SNX1: variants seen among roughly 807,000 people sequenced by gnomAD.
The protein encoded by SNX1 is sorting nexin 1.
In SNX1, 36 loss-of-function variants were observed where a neutral mutation model predicts 71.8. That is an observed-to-expected ratio of 0.50 (90% confidence interval 0.38 to 0.66). SNX1 has a LOEUF of 0.66. SNX1 is among the 30% of genes least tolerant of loss of function. The pLI is 0.00. For missense variants in SNX1, 612 were observed against 646.7 expected (o/e 0.95, Z 0.58); for synonymous variants, 254 against 240.7 (o/e 1.06, Z -0.51).
At chr15:64,117,320 T>C (rs2081140016) in intron 2 of SNX1, among the ~76,000 whole-genome samples, 1 of 152,122 alleles carries the variant, frequency 6.6e-6, no homozygotes, top group Non-Finnish European at 1.5e-5. Context: ...AGTGGCGCGA[T>C]CTCGGCTCAC....
intron 2 of SNX1, among the ~76,000 whole-genome samples, chr15:64,116,807 A>G (rs1018335395): frequency 2.6e-5 from 4 of 152,216 alleles, no homozygotes; most frequent in Non-Finnish European, 5.9e-5. Flanking sequence ...AAAAATTTTA[A>G]TGCCTAGAAA....
chr15:64,142,384 T>G lies in SNX1; in HGVS notation c.*4766T>G. 3.9e-6 allele frequency: 1 copy of G among 256,754 alleles called. No individual in the cohort carries two copies. 15.9% of individuals were successfully genotyped at this position (256,754 alleles called of 1,614,324 possible). ...GGCCAGTTGCTTTAAGTAGGGGAGA[T>G]AGAGTTAAAGGAGGCTTTGTTTTAT... On this transcript the variant is annotated 3_prime_UTR_variant, in exon 15 of 15. Coordinates refer to ENST00000559844, the MANE Select transcript of SNX1 (RefSeq NM_003099.5).
Position 64,137,871 on chromosome 15 carries a change from G to T in SNX1, c.*253G>T. The T allele has an allele frequency of 7.1e-7, 1 of 1,405,012 alleles. No individual in the cohort carries two copies. The highest frequency in any genetic ancestry group is 9.2e-7 in the Non-Finnish European group (1 of 1,083,398). 87.0% of individuals were successfully genotyped at this position (1,405,012 alleles called of 1,614,324 possible). On this transcript the variant is annotated 3_prime_UTR_variant, in exon 15 of 15. Transcript: ENST00000559844. ...CAATAGGTGGTGGAATTATGGGATG[G>T]GGTGGAGTATTGATATAAATATATA...
intron 5 of SNX1, among the ~76,000 whole-genome samples, chr15:64,124,456 G>A (rs1415074612): frequency 3.4e-5 from 5 of 147,378 alleles, no homozygotes; most frequent in Non-Finnish European, 7.4e-5. Flanking sequence ...GCAGTGAGCC[G>A]AGATCGCGCC....
In SNX1 at chr15:64,119,583, G is replaced by T. The variant is rs552770891; in HGVS notation, c.466+729G>T. 3.9e-5 allele frequency among the ~76,000 whole-genome samples: 6 copies of T among 152,186 alleles called. No homozygotes were observed. In the South Asian group the frequency reaches 1.2e-3, roughly 32 times the overall value. ...TACTAAAAATGCAAAAATTGACCAG[G>T]CATGGTGGTGTGCGCCTATAATCGC... On this transcript the variant is annotated intron_variant, in intron 4 of 14. Transcript: ENST00000559844.
At chr15:64,097,122 G>A (rs868057489) in intron 1 of SNX1, among the ~76,000 whole-genome samples, 1 of 40,296 alleles carries the variant, frequency 2.5e-5, no homozygotes, top group African/African-American at 1.1e-4. Flanking sequence ...CTGGATGAAG[G>A]ATTTGGTCTG....
chr15:64,103,441 T>G (rs1023832925), intron 1 of SNX1, among the ~76,000 whole-genome samples: 1 of 152,210 alleles, frequency 6.6e-6, no homozygotes, highest in Non-Finnish European at 1.5e-5. Flanking sequence ...TTCTTTTACA[T>G]CTACGTTCAT....
At chr15:64,126,378 A>G (rs192850857) in intron 6 of SNX1, among the ~76,000 whole-genome samples, 158 bp downstream of exon 6, 1 of 152,264 alleles carries the variant, frequency 6.6e-6, no homozygotes, top group Admixed American at 6.5e-5. Context: ...CTAGAGAAAA[A>G]TAGCATATTT....
At chr15:64,123,619 T>G in intron 5 of SNX1, 73 bp downstream of exon 5, 1 of 1,201,828 alleles carries the variant, frequency 8.3e-7, no homozygotes, top group Middle Eastern at 1.9e-4. Flanking sequence ...TCATTCAGAT[T>G]ATTTCTGGGT....
intron 5 of SNX1, among the ~76,000 whole-genome samples, chr15:64,124,277 C>T (rs986433935): frequency 1.0e-4 from 15 of 149,986 alleles, no homozygotes; most frequent in African/African-American, 2.0e-4. Context: ...GAGGCTGAGA[C>T]GGGCAGATCA....
chr15:64,106,510 A>G (rs1373666843), intron 1 of SNX1, among the ~76,000 whole-genome samples: 2 of 152,170 alleles, frequency 1.3e-5, no homozygotes, highest in Non-Finnish European at 2.9e-5. Context: ...CCTTTTCCCA[A>G]AGAAGTCCAC....
Position 64,130,243 on chromosome 15 carries a change from C to G in SNX1, c.937C>G (p.Leu313Val), listed in dbSNP as rs201043143. 9.3e-6 allele frequency: 15 copies of G among 1,614,096 alleles called. No individual in the cohort carries two copies. In the Admixed American group the frequency reaches 2.5e-4, roughly 27 times the overall value. Residue 313 changes from leucine to valine, a missense_variant, in exon 10 of 15, where the codon CTC (leucine) becomes GTC (valine). Leu to Val is a conservative substitution (Grantham distance 32). Coordinates refer to ENST00000559844, the MANE Select transcript of SNX1 (RefSeq NM_003099.5). Reference sequence around the variant, plus strand: ...TGTGTTTCAGTGGTTTGAGGAGAAGCTCCAGGAGGTAGAGTGTGAGGAGCA... The same window carrying G: ...TGTGTTTCAGTGGTTTGAGGAGAAGGTCCAGGAGGTAGAGTGTGAGGAGCA... ...NESDIWFEEK[L>V]QEVECEEQRL... is the part of the protein sequence containing the mutation.
Position 64,139,116 on chromosome 15 carries a change from A to G in SNX1, c.*1498A>G, listed in dbSNP as rs929006707. 6.6e-6 allele frequency: 1 copy of G among 152,242 alleles called. No homozygotes were observed. Among genetic ancestry groups the G allele is most frequent in the African/African-American group, 2.4e-5 (1 of 41,468 alleles). 9.4% of individuals were successfully genotyped at this position (152,242 alleles called of 1,614,324 possible). A position where few individuals can be genotyped will look rare whatever the true frequency, so the allele number is the denominator to read the frequency against. The stretch of plus-strand genomic sequence containing the variant: ...TATCCTTACCATCAACTTTGGTTTT[A>G]TCCTTCCAGTCTTTATTATATGCTT... On this transcript the variant is annotated 3_prime_UTR_variant, in exon 15 of 15. Coordinates refer to ENST00000559844, the MANE Select transcript of SNX1 (RefSeq NM_003099.5).
intron 1 of SNX1, among the ~76,000 whole-genome samples, chr15:64,100,633 C>CA (rs1052285921): frequency 6.3e-5 from 9 of 143,724 alleles, no homozygotes; most frequent in African/African-American, 2.3e-4. Flanking sequence ...AAAAGAGACT[C>CA]AAAAAAATTA....
chr15:64,124,990 C>T (rs533078383), intron 5 of SNX1, among the ~76,000 whole-genome samples: 1 of 152,310 alleles, frequency 6.6e-6, no homozygotes, highest in Non-Finnish European at 1.5e-5. Context: ...TATTGTCTCT[C>T]TACTACTTGT....
Position 64,140,983 on chromosome 15 carries a change from T to TGATAGGTAGATAGATAGATA in SNX1, c.*3370_*3371insGTAGATAGATAGATAGATAG, listed in dbSNP as rs2081406911. The TGATAGGTAGATAGATAGATA allele has an allele frequency of 6.7e-6, 1 of 148,780 alleles. No homozygotes were observed. The highest frequency in any genetic ancestry group is 2.2e-4 in the South Asian group (1 of 4,606). 9.2% of individuals were successfully genotyped at this position (148,780 alleles called of 1,614,324 possible). On this transcript the variant is annotated 3_prime_UTR_variant, in exon 15 of 15. Coordinates refer to ENST00000559844, the MANE Select transcript of SNX1 (RefSeq NM_003099.5). ...GCTCTCACCATACAGTGCAAAGAGA[T>TGATAGGTAGATAGATAGATA]GATAGATAGATAGATAGATAGATAG...
chr15:64,132,225 C>T (rs2081314582), intron 11 of SNX1: 4 of 320,176 alleles, frequency 1.2e-5, no homozygotes, highest in Non-Finnish European at 2.4e-5. Flanking sequence ...CAGACCTACT[C>T]TCTTGGTCCC....
chr15:64,100,626 A>AAAAG (rs1567315000), intron 1 of SNX1, among the ~76,000 whole-genome samples: 1 of 142,890 alleles, frequency 7.0e-6, no homozygotes, highest in African/African-American at 2.5e-5. Flanking sequence ...AAAAAAAAAA[A>AAAAG]GAGACTCAAA....
chr15:64,099,820 T>G (rs931806033), intron 1 of SNX1, among the ~76,000 whole-genome samples: 6 of 152,220 alleles, frequency 3.9e-5, no homozygotes, highest in Admixed American at 2.0e-4. Flanking sequence ...CAAGCGATTC[T>G]CCTGCCTCAA....
Sources: gnomAD v4.1 joint callset for allele counts (sites outside exome capture counted in the v4.1 genomes callset) on GRCh38, gnomAD v4.1.1 for gene constraint, MANE v1.5 for transcripts, NCBI Gene and HGNC (gene_info 2026-07-23, HGNC 2026-07-21) for gene names.